The following SLC2A14 variants were observed in gnomAD, a reference collection of about 807,000 sequenced individuals.
SLC2A14 encodes solute carrier family 2, facilitated glucose transporter member 14.
In SLC2A14, 13 loss-of-function variants were observed where a neutral mutation model predicts 43.0. That is an observed-to-expected ratio of 0.30 (90% CI 0.20 to 0.48). The LOEUF (loss-of-function observed/expected upper bound fraction) is 0.48. SLC2A14 is among the 20% of genes least tolerant of loss of function. The probability of loss-of-function intolerance (pLI) is 0.99; values close to 1 mark genes in which losing one functional copy is unlikely to be tolerated. For synonymous variants in SLC2A14, 190 were observed against 233.8 expected (o/e 0.81, Z 1.71); for missense variants, 428 against 620.4 (o/e 0.69, Z 3.29).
At chr12:7,820,234 G>T in intron 8 of SLC2A14, among the ~76,000 whole-genome samples, 1 of 144,166 alleles carries the variant, frequency 6.9e-6, no homozygotes, top group Non-Finnish European at 1.5e-5. Context: ...CTCGCCCTGT[G>T]AATCTCTTCA....
rs773043816 is a variant in SLC2A14, at chr12:7,868,177, A to G, written c.18+1686T>C. ...CCACAACCCTGATCAGTCGGCAGCC[A>G]TCAATGCTGAGGCAAGACCCTCCAG... is the stretch of plus-strand genomic sequence containing the variant. On this transcript the variant is annotated intron_variant, in intron 2 of 10. Transcript: ENST00000431042. Among the ~76,000 whole-genome samples, 42 of 152,318 alleles carry G rather than the reference A, an allele frequency of 2.8e-4. 1 individual carries two copies. The highest frequency in any genetic ancestry group is 9.9e-4 in the African/African-American group (41 of 41,574).
At chr12:7,848,948 G>A (rs747755548) in intron 2 of SLC2A14, among the ~76,000 whole-genome samples, 9 of 150,828 alleles carry the variant, frequency 6.0e-5, no homozygotes, top group South Asian at 2.1e-4. Flanking sequence ...TCCGCTTCCC[G>A]GGTTCAAGTG....
At chr12:7,882,263 G>GAGCT (rs1245415457) in intron 1 of SLC2A14, among the ~76,000 whole-genome samples, 1 of 151,884 alleles carries the variant, frequency 6.6e-6, no homozygotes, top group Non-Finnish European at 1.5e-5. Flanking sequence ...TGCCTTAAGA[G>GAGCT]AGCTGTAACA....
chr12:7,837,631 T>A (rs1865562084), intron 2 of SLC2A14, among the ~76,000 whole-genome samples: 1 of 968 alleles, frequency 1.0e-3, no homozygotes. Context: ...AGAGTGAAAC[T>A]TCGTCTCAAA....
intron 1 of SLC2A14, among the ~76,000 whole-genome samples, chr12:7,880,236 G>A (rs890278850): frequency 9.2e-5 from 14 of 152,062 alleles, no homozygotes; most frequent in African/African-American, 3.4e-4. Flanking sequence ...GGAGGCGGAG[G>A]TTGCAGTGAG....
chr12:7,876,303 A>AAAAAAAAAAGAG (rs1555149216), upstream of SLC2A14, among the ~76,000 whole-genome samples: 1 of 133,660 alleles, frequency 7.5e-6, no homozygotes, highest in African/African-American at 2.8e-5. Context: ...AAAAAAAAAA[A>AAAAAAAAAAGAG]AGAGAGACAA....
At chr12:7,883,931 T>TC (rs66534805) in intron 1 of SLC2A14, among the ~76,000 whole-genome samples, 7 of 150,262 alleles carry the variant, frequency 4.7e-5, no homozygotes, top group South Asian at 2.1e-4. Context: ...TTTCTTTCTT[T>TC]TTTTTTGTTT....
chr12:7,828,617 G>C, intron 6 of SLC2A14, 87 bp downstream of exon 6: 1 of 1,374,918 alleles, frequency 7.3e-7, no homozygotes, highest in Non-Finnish European at 1.0e-6. Context: ...CAGGGAAAGG[G>C]TACGACAGAA....
At chr12:7,836,087 C>T (rs1217481302) in intron 2 of SLC2A14, among the ~76,000 whole-genome samples, 3 of 152,116 alleles carry the variant, frequency 2.0e-5, no homozygotes, top group Non-Finnish European at 4.4e-5. Flanking sequence ...GAATCCGTTC[C>T]ACATCAGGGC....
At chr12:7,823,616 A>C (rs1864112174) in intron 7 of SLC2A14, among the ~76,000 whole-genome samples, 1 of 152,062 alleles carries the variant, frequency 6.6e-6, no homozygotes, top group African/African-American at 2.4e-5. Flanking sequence ...GCTACTCGGG[A>C]AGCTGAGGCA....
chr12:7,833,429 G>C (rs542874722), intron 2 of SLC2A14, among the ~76,000 whole-genome samples: 3 of 152,120 alleles, frequency 2.0e-5, no homozygotes, highest in Admixed American at 6.6e-5. Flanking sequence ...CTAACCCCCG[G>C]GTGGGGGAAG....
At chr12:7,874,788 A>AAAATT (rs1555148729), upstream of SLC2A14, among the ~76,000 whole-genome samples, 25 of 48,846 alleles carry the variant, frequency 5.1e-4, 1 homozygote, top group East Asian at 1.2e-3. Flanking sequence ...TAAATATATA[A>AAAATT]ATATATAAAT....
intron 2 of SLC2A14, among the ~76,000 whole-genome samples, chr12:7,841,152 A>G (rs1199105942): frequency 2.0e-5 from 3 of 152,182 alleles, no homozygotes; most frequent in Admixed American, 6.5e-5. Context: ...GGGCAGTTTT[A>G]GGTTTACAGA....
At chr12:7,839,757 G>A (rs1370586734) in intron 2 of SLC2A14, 8 of 442,936 alleles carry the variant, frequency 1.8e-5, no homozygotes, top group Non-Finnish European at 3.1e-5. Context: ...CTGCCTCCAT[G>A]GAGGGAGTAA....
chr12:7,839,432 G>C (rs921323969), intron 2 of SLC2A14, among the ~76,000 whole-genome samples: 4 of 152,184 alleles, frequency 2.6e-5, no homozygotes, highest in South Asian at 2.1e-4. Flanking sequence ...CAGAGTGGCA[G>C]GAGAAATGAT....
chr12:7,826,855 T>TTCCTTCCTTCCTTCCTTCC (rs1447800640), intron 7 of SLC2A14, among the ~76,000 whole-genome samples: 8 of 37,018 alleles, frequency 2.2e-4, no homozygotes, highest in Non-Finnish European at 4.1e-4. Flanking sequence ...CCTTCCTTCC[T>TTCCTTCCTTCCTTCCTTCC]TTCTTTTTTC....
At chr12:7,831,888 C>T in intron 3 of SLC2A14, 124 bp from the exon 4 acceptor site, 1 of 1,211,066 alleles carries the variant, frequency 8.3e-7, no homozygotes, top group African/African-American at 1.5e-5. Context: ...GCGGGTGGAT[C>T]ACCTGAGGTC....
rs192617683 is a variant in SLC2A14, at chr12:7,846,351, G to A, written c.19-13537C>T. On this transcript the variant is annotated intron_variant, in intron 2 of 10. Transcript: ENST00000431042. ...GATCTCTGAGCAGAATTATTCCATT[G>A]CTTTAACTCACTCAACAACCCTTCC... Among the ~76,000 whole-genome samples the A allele has an allele frequency of 4.7e-3, 705 of 151,326 alleles. 11 individuals are homozygous for A. The highest frequency in any genetic ancestry group is 0.015 in the African/African-American group (635 of 41,234).
chr12:7,881,306 CG>C (rs1199306801), intron 1 of SLC2A14, among the ~76,000 whole-genome samples: 1 of 152,000 alleles, frequency 6.6e-6, no homozygotes, highest in East Asian at 1.9e-4. Context: ...AACCCGGCTG[CG>C]CGCGGTGCTT....
Sources: allele counts gnomAD v4.1 joint callset (sites outside exome capture counted in the v4.1 genomes callset), GRCh38; gene constraint gnomAD v4.1.1; transcripts MANE v1.5; gene names NCBI Gene and HGNC (gene_info 2026-07-23, HGNC 2026-07-21).